CNTN3: variants seen among roughly 807,000 people sequenced by gnomAD.
CNTN3 encodes the protein contactin-3.
In CNTN3, 60 loss-of-function variants were observed where a neutral mutation model predicts 119.1. The ratio of observed to expected loss-of-function variants is 0.50; its 90% CI spans 0.41 to 0.62. The LOEUF (loss-of-function observed/expected upper bound fraction) is 0.62. Ranked by LOEUF, CNTN3 falls within the 20% of genes least tolerant of loss-of-function variation. The pLI is 0.00. For synonymous variants in CNTN3, 450 were observed against 438.7 expected, an observed-to-expected ratio of 1.03 and a Z score of -0.32; for missense variants, 1,101 against 1,242.4, an observed-to-expected ratio of 0.89 and a Z score of 1.71.
chr3:74,394,657 G>A (rs536555618), intron 5 of CNTN3, among the ~76,000 whole-genome samples: 1 of 152,258 alleles, frequency 6.6e-6, no homozygotes, highest in African/African-American at 2.4e-5. Context: ...TGAAATGAAA[G>A]TTAATCTCTC....
intron 20 of CNTN3, among the ~76,000 whole-genome samples, chr3:74,277,207 A>G (rs1175315760): frequency 2.6e-5 from 4 of 151,564 alleles, no homozygotes; most frequent in African/African-American, 9.7e-5. Flanking sequence ...AGACCATTGG[A>G]ACCAATCCTG....
chr3:74,478,701 T>A (rs1264300367), intron 4 of CNTN3, among the ~76,000 whole-genome samples: 1 of 152,078 alleles, frequency 6.6e-6, no homozygotes, highest in Non-Finnish European at 1.5e-5. Flanking sequence ...TTCCATTAGG[T>A]TTTTAGTTCC....
intron 4 of CNTN3, among the ~76,000 whole-genome samples, chr3:74,474,005 T>C (rs992712520): frequency 6.6e-6 from 1 of 152,154 alleles, no homozygotes; most frequent in African/African-American, 2.4e-5. Flanking sequence ...CATGAAATTA[T>C]AGGAAACATT....
rs1217240849 is a variant in CNTN3, at chr3:74,344,431, T to G, written c.1365-7773A>C. Among the ~76,000 whole-genome samples, 169 of 49,836 alleles carry G rather than the reference T, an allele frequency of 3.4e-3. 15 individuals carry two copies. The highest frequency in any genetic ancestry group is 0.015 in the Middle Eastern group (1 of 68). The allele number at this position is 49,836 out of a possible 152,430, so 32.7% of individuals were successfully genotyped here. A position where few individuals can be genotyped will look rare whatever the true frequency, so the allele number is the denominator to read the frequency against. ...TTTTTTTTTTTTTTTTTTTTTTTTT[T>G]TTTTTTTTTTTTGAGACGGAGTCTC... is the stretch of plus-strand genomic sequence containing the variant. On this transcript the variant is annotated intron_variant, in intron 11 of 22. Coordinates refer to ENST00000263665, the MANE Select transcript of CNTN3 (RefSeq NM_020872.3).
At chr3:74,547,950 T>C (rs1263858809) in intron 1 of CNTN3, among the ~76,000 whole-genome samples, 6 of 152,170 alleles carry the variant, frequency 3.9e-5, no homozygotes, top group Non-Finnish European at 2.9e-5. Flanking sequence ...CATTAATCCA[T>C]ATAGTACATT....
At chr3:74,323,880 A>AC (rs1295989778) in intron 13 of CNTN3, among the ~76,000 whole-genome samples, 1 of 151,950 alleles carries the variant, frequency 6.6e-6, no homozygotes, top group African/African-American at 2.4e-5. Context: ...CAGAGATGAG[A>AC]TTTTTTTTAA....
intron 5 of CNTN3, among the ~76,000 whole-genome samples, chr3:74,394,792 C>G (rs1283388936): frequency 2.1e-5 from 3 of 139,980 alleles, no homozygotes; most frequent in Non-Finnish European, 4.6e-5. Context: ...TCTTTCAACT[C>G]ATTATTAATG....
chr3:74,275,444 A>G (rs1021174433), intron 20 of CNTN3, among the ~76,000 whole-genome samples: 1 of 152,220 alleles, frequency 6.6e-6, no homozygotes, highest in Non-Finnish European at 1.5e-5. Context: ...GATTAACATC[A>G]GATTTCTCAG....
chr3:74,424,406 T>TGC (rs1553659056), intron 5 of CNTN3, among the ~76,000 whole-genome samples: 1 of 148,552 alleles, frequency 6.7e-6, no homozygotes, highest in East Asian at 2.0e-4. Flanking sequence ...TATATATATA[T>TGC]ATATAAAATA....
At chr3:74,286,840 C>T (rs1459759221) in intron 19 of CNTN3, among the ~76,000 whole-genome samples, 1 of 152,154 alleles carries the variant, frequency 6.6e-6, no homozygotes, top group African/African-American at 2.4e-5. Flanking sequence ...TCTTCTTGAG[C>T]AGTCGTGAGT....
rs554893871 is a variant in CNTN3 at position 74,511,451 on chromosome 3, G to T, written c.55+9607C>A. ...CATAAAGTCTTGAAGGTACATCTAA[G>T]TATAATACCACTTTATCAGAAATTC... On this transcript the variant is annotated intron_variant, in intron 2 of 22. Transcript: ENST00000263665. Among the ~76,000 whole-genome samples the T allele has an allele frequency of 2.2e-4, 33 of 152,142 alleles. No homozygotes were observed. The South Asian group carries it at 6.6e-3, about 31-fold the overall frequency.
At chr3:74,394,837 C>A (rs1419717722) in intron 5 of CNTN3, among the ~76,000 whole-genome samples, 2 of 151,930 alleles carry the variant, frequency 1.3e-5, no homozygotes, top group African/African-American at 4.8e-5. Context: ...TTTAATTATT[C>A]TTTGTTATTA....
chr3:74,607,379 C>T (rs1296042665), intron 1 of CNTN3, among the ~76,000 whole-genome samples: 1 of 152,134 alleles, frequency 6.6e-6, no homozygotes, highest in Admixed American at 6.6e-5. Flanking sequence ...AGTGTCATTA[C>T]CATCTTCTGC....
chr3:74,463,043 T>C (rs1454657276), intron 4 of CNTN3, among the ~76,000 whole-genome samples: 1 of 152,152 alleles, frequency 6.6e-6, no homozygotes, highest in African/African-American at 2.4e-5. Flanking sequence ...GTCCCTCACA[T>C]TTAGCATAGT....
At chr3:74,441,681 C>G (rs1225086644) in intron 4 of CNTN3, among the ~76,000 whole-genome samples, 1 of 152,104 alleles carries the variant, frequency 6.6e-6, no homozygotes, top group Non-Finnish European at 1.5e-5. Flanking sequence ...TGGGACAAAT[C>G]TAAACATATG....
intron 1 of CNTN3, among the ~76,000 whole-genome samples, chr3:74,586,348 C>A (rs931210901): frequency 2.0e-5 from 3 of 151,948 alleles, no homozygotes; most frequent in Non-Finnish European, 4.4e-5. Flanking sequence ...ATACATTGTA[C>A]CCTATAAACT....
At chr3:74,316,002 A>T (rs2106654098) in intron 13 of CNTN3, among the ~76,000 whole-genome samples, 1 of 152,304 alleles carries the variant, frequency 6.6e-6, no homozygotes, top group African/African-American at 2.4e-5. Context: ...GACAAGTGGG[A>T]CCTAATTAAA....
intron 3 of CNTN3, among the ~76,000 whole-genome samples, chr3:74,488,367 C>G (rs986675067): frequency 2.6e-5 from 4 of 152,090 alleles, no homozygotes; most frequent in Non-Finnish European, 4.4e-5. Flanking sequence ...CCCAGCTCGG[C>G]CTCCCAAAGT....
At chr3:74,471,534 C>T (rs961881197) in intron 4 of CNTN3, among the ~76,000 whole-genome samples, 2 of 152,156 alleles carry the variant, frequency 1.3e-5, no homozygotes, top group Non-Finnish European at 2.9e-5. Context: ...TGCCACAGAA[C>T]ACCTAGCGTT....
Sources: gnomAD v4.1 joint callset for allele counts (sites outside exome capture counted in the v4.1 genomes callset) on GRCh38, gnomAD v4.1.1 for gene constraint, MANE v1.5 for transcripts, NCBI Gene and HGNC (gene_info 2026-07-23, HGNC 2026-07-21) for gene names.